BAIAP2L1: variants seen among roughly 807,000 people sequenced by gnomAD.
BAIAP2L1 encodes the protein BAR/IMD domain-containing adapter protein 2-like 1.
Under a neutral mutation model 66.3 loss-of-function variants are expected in BAIAP2L1, and 35 were observed. That is an observed-to-expected ratio of 0.53 (90% CI 0.40 to 0.70). BAIAP2L1 has a LOEUF of 0.70. Ranked by LOEUF, BAIAP2L1 falls within the 30% of genes least tolerant of loss-of-function variation. BAIAP2L1 has a pLI of 0.00. For missense variants in BAIAP2L1, 622 were observed against 656.9 expected, an observed-to-expected ratio of 0.95 and a Z score of 0.58; for synonymous variants, 269 against 248.7, an observed-to-expected ratio of 1.08 and a Z score of -0.77.
chr7:98,295,222 G>A (rs1800139367), intron 12 of BAIAP2L1, among the ~76,000 whole-genome samples: 1 of 152,218 alleles, frequency 6.6e-6, no homozygotes, highest in Non-Finnish European at 1.5e-5. Context: ...GGCCTCCACT[G>A]CATGTTGGGT....
chr7:98,306,636 T>C, intron 10 of BAIAP2L1, 120 bp from the exon 11 acceptor site: 1 of 1,421,376 alleles, frequency 7.0e-7, no homozygotes, highest in Non-Finnish European at 9.6e-7. Context: ...CGCCCATGTG[T>C]GGAGGAAATG....
intron 3 of BAIAP2L1, among the ~76,000 whole-genome samples, chr7:98,332,562 C>T (rs1215073513): frequency 1.3e-5 from 2 of 151,480 alleles, no homozygotes; most frequent in African/African-American, 4.9e-5. Context: ...GTAATCCTAG[C>T]ACTTTGGGAG....
chr7:98,400,148 G>T (rs1470803978), intron 1 of BAIAP2L1: 1 of 150,344 alleles, frequency 6.7e-6, no homozygotes, highest in Non-Finnish European at 1.5e-5. Flanking sequence ...GGGCCCCACC[G>T]ACGCACAACA....
chr7:98,385,723 C>G, intron 1 of BAIAP2L1: 1 of 1,249,504 alleles, frequency 8.0e-7, no homozygotes. Flanking sequence ...CAGGAATCAA[C>G]ATTTCTTTTT....
chr7:98,333,311 C>T (rs1226445135), intron 3 of BAIAP2L1, among the ~76,000 whole-genome samples: 2 of 152,102 alleles, frequency 1.3e-5, no homozygotes, highest in Non-Finnish European at 2.9e-5. Context: ...TAAATGAGCA[C>T]ACTGGGCCAG....
intron 5 of BAIAP2L1, among the ~76,000 whole-genome samples, chr7:98,318,275 G>A (rs1801140493): frequency 6.6e-6 from 1 of 152,160 alleles, no homozygotes; most frequent in Non-Finnish European, 1.5e-5. Context: ...GATGCTGGGT[G>A]GTTAACTTTC....
At chr7:98,325,829 C>T (rs567195414) in intron 3 of BAIAP2L1, among the ~76,000 whole-genome samples, 2 of 152,206 alleles carry the variant, frequency 1.3e-5, no homozygotes, top group Non-Finnish European at 2.9e-5. Flanking sequence ...ATGCATTAAA[C>T]GAGCGTGAGC....
chr7:98,376,715 T>C (rs1316124264), intron 1 of BAIAP2L1, among the ~76,000 whole-genome samples: 2 of 146,060 alleles, frequency 1.4e-5, no homozygotes, highest in Non-Finnish European at 1.5e-5. Context: ...GCCTGTAATC[T>C]CAGCTACTCG....
intron 3 of BAIAP2L1, among the ~76,000 whole-genome samples, chr7:98,353,298 G>A (rs546501755): frequency 2.3e-4 from 33 of 144,314 alleles, no homozygotes; most frequent in Middle Eastern, 3.6e-3. Context: ...AGACCAACCT[G>A]GCCAACACAG....
chr7:98,297,745 T>C (rs985517636), intron 12 of BAIAP2L1, among the ~76,000 whole-genome samples: 3 of 152,188 alleles, frequency 2.0e-5, no homozygotes, highest in Admixed American at 2.0e-4. Flanking sequence ...GGCACCCATG[T>C]TGTGACGCAA....
At chr7:98,376,404 T>C (rs903045951) in intron 1 of BAIAP2L1, among the ~76,000 whole-genome samples, 7 of 151,806 alleles carry the variant, frequency 4.6e-5, no homozygotes, top group Admixed American at 1.3e-4. Flanking sequence ...CCCAGCTACT[T>C]AGAGGCTGAG....
At chr7:98,319,493 T>C (rs1801181527) in intron 5 of BAIAP2L1, among the ~76,000 whole-genome samples, 1 of 151,564 alleles carries the variant, frequency 6.6e-6, no homozygotes, top group Admixed American at 6.6e-5. Flanking sequence ...ATGTATTCTG[T>C]GAAGACAATG....
chr7:98,297,305 C>T (rs1800233665), intron 12 of BAIAP2L1, among the ~76,000 whole-genome samples: 1 of 152,240 alleles, frequency 6.6e-6, no homozygotes. Context: ...TTCCAGGGTG[C>T]CCACCACATA....
chr7:98,337,492 T>C lies in BAIAP2L1; in HGVS notation c.215-17194A>G, dbSNP rs114280503. Among the ~76,000 whole-genome samples the C allele has an allele frequency of 4.6e-3, 700 of 152,288 alleles. 6 individuals carry two copies. The highest frequency in any genetic ancestry group is 0.016 in the African/African-American group (675 of 41,534). On this transcript the variant is annotated intron_variant, in intron 3 of 13. Transcript: ENST00000005260. ...GTGATCCACCCACCTTGGCCTCAGA[T>C]ACCTTCTTGTGTGAACAGTTGAGGA...
chr7:98,361,830 G>A (rs1227409603), intron 2 of BAIAP2L1, among the ~76,000 whole-genome samples: 2 of 152,032 alleles, frequency 1.3e-5, no homozygotes, highest in Admixed American at 6.6e-5. Flanking sequence ...CAGCCTCCCA[G>A]GCACAAGCGA....
Position 98,308,561 on chromosome 7 carries a change from C to T in BAIAP2L1, c.956-665G>A, listed in dbSNP as rs534529472. On this transcript the variant is annotated intron_variant, in intron 9 of 13. Transcript: ENST00000005260. Reference sequence around the variant, plus strand: ...TGGCTGGGCCAGGAACCAGCTAGGGCAGGTTTGTCCCATACTCTCTACCCA... The same window carrying T: ...TGGCTGGGCCAGGAACCAGCTAGGGTAGGTTTGTCCCATACTCTCTACCCA... The T allele has an allele frequency of 2.3e-4, 78 of 341,282 alleles. 2 individuals are homozygous for T. The highest frequency in any genetic ancestry group is 1.8e-3 in the South Asian group (76 of 43,244). 21.1% of individuals were successfully genotyped at this position (341,282 alleles called of 1,614,324 possible).
intron 3 of BAIAP2L1, among the ~76,000 whole-genome samples, chr7:98,340,616 A>G (rs1562776507): frequency 6.6e-6 from 1 of 152,150 alleles, no homozygotes; most frequent in African/African-American, 2.4e-5. Context: ...ATTATAGTAC[A>G]TTGAGTATAT....
In BAIAP2L1 at chr7:98,357,020, A is replaced by AATAT. The variant is rs1554337327; in HGVS notation, c.128-1896_128-1893dup. Among the ~76,000 whole-genome samples, 42 of 28,084 alleles carry AATAT rather than the reference A, an allele frequency of 1.5e-3. 1 individual carries two copies. Among genetic ancestry groups the AATAT allele is most frequent in the South Asian group, 2.7e-3 (1 of 374 alleles). 18.4% of individuals were successfully genotyped at this position (28,084 alleles called of 152,430 possible). A position where few individuals can be genotyped will look rare whatever the true frequency, so the allele number is the denominator to read the frequency against. On this transcript the variant is annotated intron_variant, in intron 2 of 13. Coordinates refer to ENST00000005260, the MANE Select transcript of BAIAP2L1 (RefSeq NM_018842.5). ...AAAAAAAAAAAAAAAAAAAAAAAAA[A>AATAT]ATATATATATATATATATATATATA... is the stretch of plus-strand genomic sequence containing the variant.
At chr7:98,390,590 G>C (rs1803013042) in intron 1 of BAIAP2L1, among the ~76,000 whole-genome samples, 1 of 151,838 alleles carries the variant, frequency 6.6e-6, no homozygotes, top group South Asian at 2.1e-4. Flanking sequence ...AAATTAGCCA[G>C]GCATGGTGGT....
Sources: allele counts gnomAD v4.1 joint callset (sites outside exome capture counted in the v4.1 genomes callset), GRCh38; gene constraint gnomAD v4.1.1; transcripts MANE v1.5; gene names NCBI Gene and HGNC (gene_info 2026-07-23, HGNC 2026-07-21).